The following ELAVL2 variants were observed in gnomAD, a reference collection of about 807,000 sequenced individuals.
The protein encoded by ELAVL2 is ELAV-like protein 2.
In ELAVL2, 4 loss-of-function variants were observed where a neutral mutation model predicts 34.6. The observed-to-expected ratio is 0.12, with a 90% CI of 0.06 to 0.26. The LOEUF is 0.26. ELAVL2 is among the 10% of genes least tolerant of loss of function. The probability of loss-of-function intolerance (pLI) is 1.00; values close to 1 mark genes in which losing one functional copy is unlikely to be tolerated. For synonymous variants in ELAVL2, 193 were observed against 154.8 expected (o/e 1.25, Z -1.83); for missense variants, 432 against 442.8 (o/e 0.98, Z 0.22).
At chr9:23,801,486 C>G (rs2061561660) in intron 1 of ELAVL2, among the ~76,000 whole-genome samples, 1 of 152,132 alleles carries the variant, frequency 6.6e-6, no homozygotes. Flanking sequence ...AAGGGCTACT[C>G]AGTTTTCAGA....
chr9:23,693,237 C>T (rs574068796), intron 6 of ELAVL2, among the ~76,000 whole-genome samples: 1 of 152,260 alleles, frequency 6.6e-6, no homozygotes, highest in African/African-American at 2.4e-5. Context: ...CAATACGAAA[C>T]AAATGATGGG....
chr9:23,798,038 C>T (rs1339842683), intron 1 of ELAVL2, among the ~76,000 whole-genome samples: 1 of 152,144 alleles, frequency 6.6e-6, no homozygotes, highest in South Asian at 2.1e-4. Context: ...ACATTGCATC[C>T]GGCAAAGAAG....
intron 2 of ELAVL2, among the ~76,000 whole-genome samples, chr9:23,736,853 T>C (rs1279870043): frequency 6.6e-6 from 1 of 152,088 alleles, no homozygotes; most frequent in Non-Finnish European, 1.5e-5. Flanking sequence ...TCACTGTCAG[T>C]TTTTTGCTCA....
chr9:23,705,155 T>C (rs1286459087), intron 3 of ELAVL2, 84 bp from the exon 4 acceptor site: 3 of 1,516,382 alleles, frequency 2.0e-6, no homozygotes, highest in Non-Finnish European at 2.7e-6. Flanking sequence ...CCTCGGTAAC[T>C]TTCCCATGAA....
chr9:23,757,703 A>C (rs938743638), intron 2 of ELAVL2, among the ~76,000 whole-genome samples: 3 of 152,106 alleles, frequency 2.0e-5, no homozygotes, highest in Non-Finnish European at 4.4e-5. Flanking sequence ...GATAGGAAAC[A>C]GGCTGAAGCA....
chr9:23,752,606 C>A lies in ELAVL2; in HGVS notation c.229+9400G>T, dbSNP rs141677621. On this transcript the variant is annotated intron_variant, in intron 2 of 6. Coordinates refer to ENST00000397312, the MANE Select transcript of ELAVL2 (RefSeq NM_004432.5). ...AAGAGCTGGGATTACAGGCACCCAG[C>A]ACCAAGTCTAGCTAATTTTTGTATT... Among the ~76,000 whole-genome samples, 1,423 of 152,148 alleles carry A rather than the reference C, an allele frequency of 9.4e-3. 16 individuals are homozygous for A. The highest frequency in any genetic ancestry group is 0.032 in the African/African-American group (1,308 of 41,518).
the ELAVL2 span, among the ~76,000 whole-genome samples, chr9:23,848,223 T>G: frequency 6.6e-6 from 1 of 152,172 alleles, no homozygotes; most frequent in African/African-American, 2.4e-5. Context: ...GATCTAAAAT[T>G]AATTATATAG....
chr9:23,784,168 A>T (rs2059414078), intron 1 of ELAVL2, among the ~76,000 whole-genome samples: 1 of 151,846 alleles, frequency 6.6e-6, no homozygotes, highest in Non-Finnish European at 1.5e-5. Flanking sequence ...ACGACACTCC[A>T]GCCTGGGGCC....
chr9:23,796,817 G>C (rs1419761236), intron 1 of ELAVL2, among the ~76,000 whole-genome samples: 1 of 152,100 alleles, frequency 6.6e-6, no homozygotes, highest in African/African-American at 2.4e-5. Flanking sequence ...TTCGTCCTTT[G>C]TATAGGTTAT....
intron 2 of ELAVL2, among the ~76,000 whole-genome samples, chr9:23,744,179 G>A (rs916707241): frequency 1.3e-5 from 2 of 152,042 alleles, no homozygotes; most frequent in Non-Finnish European, 2.9e-5. Context: ...TCTGATGCTC[G>A]CCCCCACCTA....
chr9:23,837,476 T>TAATC, the ELAVL2 span, among the ~76,000 whole-genome samples: 1 of 152,202 alleles, frequency 6.6e-6, no homozygotes, highest in Non-Finnish European at 1.5e-5. Context: ...GGTGGCATTC[T>TAATC]AATCCTCTAC....
chr9:23,772,134 T>C (rs564774810), intron 1 of ELAVL2, among the ~76,000 whole-genome samples: 1 of 152,176 alleles, frequency 6.6e-6, no homozygotes, highest in African/African-American at 2.4e-5. Context: ...AACACAGAAA[T>C]TGGATTAACT....
the ELAVL2 span, chr9:23,849,826 G>A: frequency 1.3e-5 from 2 of 152,036 alleles, no homozygotes; most frequent in East Asian, 1.9e-4. Context: ...AACCCTTTGT[G>A]TGTGAGGATT....
chr9:23,741,448 G>GT (rs1417308135), intron 2 of ELAVL2, among the ~76,000 whole-genome samples: 1 of 152,136 alleles, frequency 6.6e-6, no homozygotes, highest in East Asian at 1.9e-4. Context: ...ATGTAAGACT[G>GT]TAACTAGGGA....
Position 23,724,486 on chromosome 9 carries a change from C to G in ELAVL2, c.333+6536G>C, listed in dbSNP as rs139416148. ...TTACTTGGGCTACCTACCCACATTC[C>G]CTAGACCACATTAGATGAGTAAGAA... On this transcript the variant is annotated intron_variant, in intron 3 of 6. Coordinates refer to ENST00000397312, the MANE Select transcript of ELAVL2 (RefSeq NM_004432.5). Among the ~76,000 whole-genome samples the G allele has an allele frequency of 4.2e-3, 641 of 152,232 alleles. 4 individuals are homozygous for G. Among genetic ancestry groups the G allele is most frequent in the African/African-American group, 0.014 (598 of 41,534 alleles).
At chr9:23,692,910 A>G in intron 6 of ELAVL2, 26 bp from the exon 7 acceptor site, 1 of 1,592,720 alleles carries the variant, frequency 6.3e-7, no homozygotes, top group East Asian at 2.2e-5. Context: ...GGAAATACAC[A>G]CATACACACA....
At chr9:23,715,167 T>A (rs1194250318) in intron 3 of ELAVL2, among the ~76,000 whole-genome samples, 2 of 151,680 alleles carry the variant, frequency 1.3e-5, no homozygotes, top group African/African-American at 4.9e-5. Flanking sequence ...GTGCAGGAGG[T>A]TTTTCTTTTT....
At position 23,775,530 on chromosome 9, in the gene ELAVL2, C is replaced by T. The variant is rs117712790; in HGVS notation, c.-15-13281G>A. On this transcript the variant is annotated intron_variant, in intron 1 of 6. Transcript: ENST00000397312. The stretch of plus-strand genomic sequence containing the variant: ...AGCTTCCTAGCTGATCTCTCTATTT[C>T]CAGGCTTGCCCCTTTCTCCAATCCT... Among the ~76,000 whole-genome samples, 880 of 152,280 alleles carry T rather than the reference C, an allele frequency of 5.8e-3. 6 individuals are homozygous for T. The highest frequency in any genetic ancestry group is 9.4e-3 in the Non-Finnish European group (640 of 67,998).
chr9:23,750,022 T>A lies in ELAVL2; in HGVS notation c.229+11984A>T, dbSNP rs1030690974. 6.5e-4 allele frequency among the ~76,000 whole-genome samples: 83 copies of A among 127,926 alleles called. 1 individual carries two copies. Among genetic ancestry groups the A allele is most frequent in the Admixed American group, 5.2e-3 (60 of 11,432 alleles). The allele number at this position is 127,926 out of a possible 152,430, so 83.9% of individuals were successfully genotyped here. A position where few individuals can be genotyped will look rare whatever the true frequency, so the allele number is the denominator to read the frequency against. ...CACAGTGGCCTCCAAGGGTACTGTCTTAAAAAAGGAAAAAAAAAAAAAAGA... is the reference window on the plus strand; with the variant it reads ...CACAGTGGCCTCCAAGGGTACTGTCATAAAAAAGGAAAAAAAAAAAAAAGA... On this transcript the variant is annotated intron_variant, in intron 2 of 6. Coordinates refer to ENST00000397312, the MANE Select transcript of ELAVL2 (RefSeq NM_004432.5).
Sources: gnomAD v4.1 joint callset for allele counts (sites outside exome capture counted in the v4.1 genomes callset) on GRCh38, gnomAD v4.1.1 for gene constraint, MANE v1.5 for transcripts, NCBI Gene and HGNC (gene_info 2026-07-23, HGNC 2026-07-21) for gene names.